The following EXOC3L4 variants were observed in gnomAD, a reference collection of about 807,000 sequenced individuals.
The protein encoded by EXOC3L4 is exocyst complex component 3-like protein 4.
In EXOC3L4, 62 loss-of-function variants were observed where a neutral mutation model predicts 69.7. The ratio of observed to expected loss-of-function variants is 0.89; its 90% confidence interval spans 0.72 to 1.10. EXOC3L4 has a LOEUF of 1.10. Among genes scored for constraint, EXOC3L4 ranks in the 50% least tolerant of loss-of-function variants. The pLI, the probability that EXOC3L4 is intolerant of heterozygous loss-of-function variation, is 0.00. For missense variants in EXOC3L4, 1,087 were observed against 1,034.8 expected, an observed-to-expected ratio of 1.05 and a Z score of -0.69; for synonymous variants, 502 against 464.2, an observed-to-expected ratio of 1.08 and a Z score of -1.05.
intron 8 of EXOC3L4, 63 bp downstream of exon 8, chr14:103,106,962 A>T: frequency 7.6e-7 from 1 of 1,319,940 alleles, no homozygotes; most frequent in Non-Finnish European, 1.0e-6. Context: ...TATTTCCTAG[A>T]GCCTGGGGGC....
Position 103,100,305 on chromosome 14 carries a change from C to A in EXOC3L4, c.86C>A (p.Ser29Tyr). 6.3e-7 allele frequency: 1 copy of A among 1,583,738 alleles called. No homozygotes were observed. Among genetic ancestry groups the A allele is most frequent in the Non-Finnish European group, 8.6e-7 (1 of 1,164,132 alleles). Residue 29 changes from serine (S) to tyrosine (Y), a missense_variant, in exon 2 of 12, where the codon TCC (serine) becomes TAC (tyrosine). Transcript: ENST00000688303. ...GAGCCACAGACTCCAGCTCAGGGCT[C>A]CCGGCGAACAAGCAGCAGGAAAGAG... ...AEEPQTPAQGSRRTSSRKEPN... is the reference protein window; with the variant it reads ...AEEPQTPAQGYRRTSSRKEPN...
chr14:103,095,246 T>C (rs1889840281), intron 1 of EXOC3L4, among the ~76,000 whole-genome samples: 1 of 152,218 alleles, frequency 6.6e-6, no homozygotes, highest in Admixed American at 6.5e-5. Context: ...TTCACTTTCC[T>C]GGTTTCCCCG....
In EXOC3L4 at chr14:103,105,074, T is replaced by C. The variant is rs780030946; in HGVS notation, c.1466+2T>C. On this transcript the variant is annotated splice_donor_variant, in intron 7 of 11. Coordinates refer to ENST00000688303, the MANE Select transcript of EXOC3L4 (RefSeq NM_001077594.2). LOFTEE classifies it high-confidence loss of function. ...CATCAACGCCTGCGAGGAGCTCAGG[T>C]AGGGCTCGCCCGCTCCTGTGCGGGC... 2.5e-6 allele frequency: 4 copies of C among 1,600,942 alleles called. No individual in the cohort carries two copies. Among genetic ancestry groups the C allele is most frequent in the East Asian group, 2.2e-5 (1 of 44,472 alleles).
chr14:103,094,264 G>T (rs1198654309), upstream of EXOC3L4, among the ~76,000 whole-genome samples: 2 of 152,168 alleles, frequency 1.3e-5, no homozygotes, highest in African/African-American at 2.4e-5. Flanking sequence ...CTCAACTGCT[G>T]CCTTTGCTGT....
At position 103,110,416 on chromosome 14, in the gene EXOC3L4, G is replaced by T. The variant is rs970247224; in HGVS notation, c.*193G>T. ...CCGTGCAGGAGGCATTTCAGGCATC[G>T]TTGAGGGGAGTGTTTTGGGGCCGCA... On this transcript the variant is annotated 3_prime_UTR_variant, in exon 12 of 12. Transcript: ENST00000688303. 2 of 733,270 alleles carry T rather than the reference G, an allele frequency of 2.7e-6. No homozygotes were observed. The highest frequency in any genetic ancestry group is 2.4e-6 in the Non-Finnish European group (1 of 417,178). 45.4% of individuals were successfully genotyped at this position (733,270 alleles called of 1,614,324 possible).
rs562177364 is a variant in EXOC3L4 at position 103,107,824 on chromosome 14, T to C, written c.1854+41T>C. ...CTGCCCTTCGGTGCTCGCCTCTGTG[T>C]GGGGAGTGGTGGCAGTGACTAGGGC... On this transcript the variant is annotated intron_variant, in intron 10 of 11. Coordinates refer to ENST00000688303, the MANE Select transcript of EXOC3L4 (RefSeq NM_001077594.2). 9.5e-6 allele frequency: 14 copies of C among 1,469,550 alleles called. No individual in the cohort carries two copies. In the East Asian group the frequency reaches 1.0e-4, roughly 10 times the overall value. The allele number at this position is 1,469,550 out of a possible 1,614,324, so 91.0% of individuals were successfully genotyped here.
In EXOC3L4 at chr14:103,110,240, G is replaced by A. The variant is rs573190605; in HGVS notation, c.*17G>A. The A allele has an allele frequency of 1.9e-5, 28 of 1,498,100 alleles. No homozygotes were observed. The East Asian group carries it at 5.7e-4, about 30-fold the overall frequency. 92.8% of individuals were successfully genotyped at this position (1,498,100 alleles called of 1,614,324 possible). A position where few individuals can be genotyped will look rare whatever the true frequency, so the allele number is the denominator to read the frequency against. ...TGCGTCTAGTTCTCTCTGGCTCGAG[G>A]GGGGGCCGGCCGCTGGCAGGGAGCT... On this transcript the variant is annotated 3_prime_UTR_variant, in exon 12 of 12. Transcript: ENST00000688303.
chr14:103,109,987 T>C (rs772732069), intron 11 of EXOC3L4, 44 bp from the exon 12 acceptor site: 1 of 1,529,482 alleles, frequency 6.5e-7, no homozygotes, highest in South Asian at 1.2e-5. Flanking sequence ...CTGGGGGTGT[T>C]GCGGAGGTGT....
intron 3 of EXOC3L4, 144 bp from the exon 4 acceptor site, chr14:103,103,797 C>CGTGTGTGT (rs56147384): frequency 0.041 from 17,711 of 429,660 alleles, 147 homozygotes; most frequent in East Asian, 0.091. Flanking sequence ...GGCGCGCGCG[C>CGTGTGTGT]GTGTGTGTGT....
At position 103,110,392 on chromosome 14, in the gene EXOC3L4, C is replaced by A. The variant is rs372270295; in HGVS notation, c.*169C>A. On this transcript the variant is annotated 3_prime_UTR_variant, in exon 12 of 12. Coordinates refer to ENST00000688303, the MANE Select transcript of EXOC3L4 (RefSeq NM_001077594.2). ...CAGCTGTCAGGCCAGAAGGAGCAGC[C>A]GTGCAGGAGGCATTTCAGGCATCGT... The A allele has an allele frequency of 1.2e-6, 1 of 812,888 alleles. No individual in the cohort carries two copies. The highest frequency in any genetic ancestry group is 2.0e-6 in the Non-Finnish European group (1 of 488,836). The allele number at this position is 812,888 out of a possible 1,614,324, so 50.4% of individuals were successfully genotyped here.
At chr14:103,103,365 A>AAAAAG (rs1890322906) in intron 3 of EXOC3L4, among the ~76,000 whole-genome samples, 1 of 149,856 alleles carries the variant, frequency 6.7e-6, no homozygotes, top group Non-Finnish European at 1.5e-5. Flanking sequence ...AAAAAAAAAA[A>AAAAAG]AAAAAAGAAA....
chr14:103,097,579 C>T lies in EXOC3L4; in HGVS notation c.-16-2625C>T, dbSNP rs1249662199. The stretch of plus-strand genomic sequence containing the variant: ...CAGGGCGACCCTGATACCGATGTTC[C>T]GCCTGCTTCCAGGCTGTGCTCAGGG... On this transcript the variant is annotated intron_variant, in intron 1 of 11. Coordinates refer to ENST00000688303, the MANE Select transcript of EXOC3L4 (RefSeq NM_001077594.2). The surrounding 1 kb of genome is among the most constrained non-coding windows in gnomAD (Gnocchi z 4.9). Among the ~76,000 whole-genome samples the T allele has an allele frequency of 5.9e-5, 9 of 152,132 alleles. No homozygotes were observed. The highest frequency in any genetic ancestry group is 1.0e-4 in the Non-Finnish European group (7 of 68,016).
chr14:103,108,254 C>A, intron 10 of EXOC3L4, 142 bp from the exon 11 acceptor site: 1 of 1,279,470 alleles, frequency 7.8e-7, no homozygotes, highest in African/African-American at 1.5e-5. Context: ...TTGGGGGAGG[C>A]AGTCCCGGCA....
chr14:103,102,570 G>T lies in EXOC3L4; in HGVS notation c.847G>T (p.Gly283Cys), dbSNP rs1595242454. Residue 283 changes from glycine (G) to cysteine (C), a missense_variant, in exon 3 of 12, where the codon GGT becomes TGT. Coordinates refer to ENST00000688303, the MANE Select transcript of EXOC3L4 (RefSeq NM_001077594.2). The stretch of plus-strand genomic sequence containing the variant: ...TTTGGCCCAGCTTCTGGCCGAGCTG[G>T]GTGGCTTGGTTCGCCGCGACCTGCA... ...SGLAQLLAELGGLVRRDLQKV... is the reference protein window; with the variant it reads ...SGLAQLLAELCGLVRRDLQKV... 6.9e-7 allele frequency: 1 copy of T among 1,459,154 alleles called. No homozygotes were observed. 90.4% of individuals were successfully genotyped at this position (1,459,154 alleles called of 1,614,324 possible).
intron 2 of EXOC3L4, among the ~76,000 whole-genome samples, chr14:103,101,097 G>A (rs904477507): frequency 6.6e-6 from 1 of 151,610 alleles, no homozygotes; most frequent in Non-Finnish European, 1.5e-5. Flanking sequence ...TTAGTAAGAC[G>A]GGGTTTCACC....
Position 103,102,722 on chromosome 14 carries a change from C to G in EXOC3L4, c.999C>G (p.Gly333=). ...AGGAGCTCGCGCGCGACGCCCGCGG[C>G]TGCGAGCAGCTCTATATCCTGCTGG... ...RLQELARDAR[G]CEQLYILLDW... The change falls in exon 3 of 12, where the codon GGC becomes GGG. Residue 333 remains glycine, a synonymous_variant. Coordinates refer to ENST00000688303, the MANE Select transcript of EXOC3L4 (RefSeq NM_001077594.2). 9 of 1,452,502 alleles carry G rather than the reference C, an allele frequency of 6.2e-6. No individual in the cohort carries two copies. Among genetic ancestry groups the G allele is most frequent in the Non-Finnish European group, 8.1e-6 (9 of 1,106,640 alleles). The allele number at this position is 1,452,502 out of a possible 1,614,324, so 90.0% of individuals were successfully genotyped here.
chr14:103,108,570 G>A, intron 11 of EXOC3L4, 53 bp downstream of exon 11: 1 of 1,593,452 alleles, frequency 6.3e-7, no homozygotes, highest in Non-Finnish European at 8.6e-7. Context: ...CAGGGCCAAG[G>A]GGGCTGGTAT....
At chr14:103,099,332 G>A (rs537882499) in intron 1 of EXOC3L4, among the ~76,000 whole-genome samples, 7 of 151,930 alleles carry the variant, frequency 4.6e-5, no homozygotes, top group Admixed American at 1.3e-4. Flanking sequence ...GGCAGGCCAC[G>A]GTGCCGAGGG....
Position 103,102,527 on chromosome 14 carries a change from G to A in EXOC3L4, c.804G>A (p.Glu268=). The part of the protein sequence containing the change: ...RRPGAGWAFG[E]AEGASGLAQL... Reference sequence around the variant, plus strand: ...CGGGCGCGGGGTGGGCCTTCGGGGAGGCGGAGGGCGCGTCGGGTTTGGCCC... The same window carrying A: ...CGGGCGCGGGGTGGGCCTTCGGGGAAGCGGAGGGCGCGTCGGGTTTGGCCC... The change falls in exon 3 of 12, where the codon GAG becomes GAA. Residue 268 remains glutamate, a synonymous_variant. Coordinates refer to ENST00000688303, the MANE Select transcript of EXOC3L4 (RefSeq NM_001077594.2). 6.4e-6 allele frequency: 9 copies of A among 1,402,290 alleles called. No homozygotes were observed. The highest frequency in any genetic ancestry group is 8.3e-6 in the Non-Finnish European group (9 of 1,082,458). 86.9% of individuals were successfully genotyped at this position (1,402,290 alleles called of 1,614,324 possible).
Sources: allele counts gnomAD v4.1 joint callset (sites outside exome capture counted in the v4.1 genomes callset), GRCh38; gene constraint gnomAD v4.1.1; non-coding constraint Gnocchi (gnomAD v3.1); transcripts MANE v1.5; gene names NCBI Gene and HGNC (gene_info 2026-07-23, HGNC 2026-07-21).